Variants in LOC128092252 observed in about 807,000 individuals in gnomAD.
At chr15:50,660,506 T>C in the LOC128092252 span, among the ~76,000 whole-genome samples, 1 of 152,008 alleles carries the variant, frequency 6.6e-6, no homozygotes, top group African/African-American at 2.4e-5. Flanking sequence ...ATAAAAAAAA[T>C]TAAGTGGGCG....
At chr15:50,662,726 T>C in the LOC128092252 span, among the ~76,000 whole-genome samples, 4 of 152,276 alleles carry the variant, frequency 2.6e-5, no homozygotes, top group African/African-American at 9.6e-5. Context: ...AGTTTAGAGA[T>C]GGAGGAACAC....
chr15:50,677,761 C>A, the LOC128092252 span, among the ~76,000 whole-genome samples: 29,212 of 95,084 alleles, frequency 0.31, 3,749 homozygotes, highest in Admixed American at 0.4. Context: ...AAAAAAAAAA[C>A]AAAAGGTAAC....
At chr15:50,683,155 T>C in the LOC128092252 span, among the ~76,000 whole-genome samples, 1 of 151,768 alleles carries the variant, frequency 6.6e-6, no homozygotes, top group Non-Finnish European at 1.5e-5. Flanking sequence ...CTCAAAGTGC[T>C]AGGATTACAA....
chr15:50,673,656 G>C, the LOC128092252 span, among the ~76,000 whole-genome samples: 2 of 150,890 alleles, frequency 1.3e-5, no homozygotes, highest in African/African-American at 5.0e-5. Context: ...ATATACCACA[G>C]TTTCTTTATC....
At chr15:50,672,898 C>CAAAAAAAAAA in the LOC128092252 span, among the ~76,000 whole-genome samples, 1 of 26,220 alleles carries the variant, frequency 3.8e-5, no homozygotes, top group Admixed American at 6.6e-4. Context: ...GACTCTGTCT[C>CAAAAAAAAAA]AAAAAAAAAA....
the LOC128092252 span, among the ~76,000 whole-genome samples, chr15:50,662,689 G>A: frequency 6.6e-6 from 1 of 152,114 alleles, no homozygotes; most frequent in Non-Finnish European, 1.5e-5. Flanking sequence ...CCTTACCTTT[G>A]TAAAACACTA....
At chr15:50,677,247 A>G in the LOC128092252 span, among the ~76,000 whole-genome samples, 2 of 152,100 alleles carry the variant, frequency 1.3e-5, no homozygotes, top group South Asian at 2.1e-4. Context: ...TTCTAAGGAC[A>G]TAAATCCTAT....
At chr15:50,662,096 T>C in the LOC128092252 span, among the ~76,000 whole-genome samples, 2 of 152,140 alleles carry the variant, frequency 1.3e-5, no homozygotes, top group Non-Finnish European at 2.9e-5. Flanking sequence ...GGCTCACGCC[T>C]GTAATCCCAG....
the LOC128092252 span, among the ~76,000 whole-genome samples, chr15:50,669,098 C>T: frequency 6.6e-6 from 1 of 152,066 alleles, no homozygotes; most frequent in Non-Finnish European, 1.5e-5. Context: ...GAGAAATTTA[C>T]CCAATACATA....
the LOC128092252 span, among the ~76,000 whole-genome samples, chr15:50,678,156 G>T: frequency 6.6e-6 from 1 of 150,536 alleles, no homozygotes; most frequent in Non-Finnish European, 1.5e-5. Context: ...CAGGAGGATG[G>T]CGTGAACCCA....
the LOC128092252 span, among the ~76,000 whole-genome samples, chr15:50,663,618 C>T: frequency 6.6e-6 from 1 of 152,144 alleles, no homozygotes; most frequent in Non-Finnish European, 1.5e-5. Context: ...GAGATTCCCA[C>T]TACGAACCAA....
chr15:50,664,954 G>T, the LOC128092252 span, among the ~76,000 whole-genome samples: 1 of 152,100 alleles, frequency 6.6e-6, no homozygotes, highest in African/African-American at 2.4e-5. Context: ...GACAGAGCAA[G>T]ACCCTGTCTT....
chr15:50,672,898 CAAAAAAAA>C, the LOC128092252 span, among the ~76,000 whole-genome samples: 6 of 26,218 alleles, frequency 2.3e-4, no homozygotes, highest in Admixed American at 2.0e-3. Flanking sequence ...GACTCTGTCT[CAAAAAAAA>C]AAAAAAAAAA....
chr15:50,686,187 G>T, the LOC128092252 span, among the ~76,000 whole-genome samples: 1 of 152,214 alleles, frequency 6.6e-6, no homozygotes, highest in African/African-American at 2.4e-5. Context: ...GGAGCTTGTA[G>T]GCTGAGCCCT....
chr15:50,667,536 C>T, the LOC128092252 span, among the ~76,000 whole-genome samples: 1 of 152,094 alleles, frequency 6.6e-6, no homozygotes, highest in African/African-American at 2.4e-5. Flanking sequence ...TAAAACCCCA[C>T]CTCTACTAAA....
At chr15:50,685,319 C>A in the LOC128092252 span, among the ~76,000 whole-genome samples, 1 of 152,154 alleles carries the variant, frequency 6.6e-6, no homozygotes, top group African/African-American at 2.4e-5. Context: ...CAAAAATTAG[C>A]CGGGCATGGT....
At chr15:50,683,369 T>C in the LOC128092252 span, among the ~76,000 whole-genome samples, 1 of 151,022 alleles carries the variant, frequency 6.6e-6, no homozygotes, top group Non-Finnish European at 1.5e-5. Context: ...ATGAATAACA[T>C]ATGGGGAACT....
the LOC128092252 span, among the ~76,000 whole-genome samples, chr15:50,681,994 A>G: frequency 6.6e-6 from 1 of 152,080 alleles, no homozygotes; most frequent in African/African-American, 2.4e-5. Flanking sequence ...CCTGGCCAAC[A>G]TGGGGAAACC....
chr15:50,682,173 CA>C, the LOC128092252 span, among the ~76,000 whole-genome samples: 14,626 of 63,858 alleles, frequency 0.23, 1,553 homozygotes, highest in Middle Eastern at 0.33. Flanking sequence ...AACTCAGTCT[CA>C]AAAAAAAAAA....
Sources: allele counts gnomAD v4.1 joint callset (sites outside exome capture counted in the v4.1 genomes callset), GRCh38; gene constraint gnomAD v4.1.1; transcripts MANE v1.5.